STXBP5: variants seen among roughly 807,000 people sequenced by gnomAD.
STXBP5 encodes the protein syntaxin-binding protein 5.
In STXBP5, 50 loss-of-function variants were observed where a neutral mutation model predicts 152.4. The ratio of observed to expected loss-of-function variants is 0.33; its 90% CI spans 0.26 to 0.42. STXBP5 has a LOEUF of 0.42. Ranked by LOEUF, STXBP5 falls within the 10% of genes least tolerant of loss-of-function variation. The probability of loss-of-function intolerance (pLI) is 1.00; values close to 1 mark genes in which losing one functional copy is unlikely to be tolerated. For synonymous variants in STXBP5, 492 were observed against 494.7 expected (o/e 0.99, Z 0.07); for missense variants, 1,167 against 1,388.6 (o/e 0.84, Z 2.54).
At chr6:147,285,234 C>T (rs548182814) in intron 8 of STXBP5, among the ~76,000 whole-genome samples, 21 of 152,238 alleles carry the variant, frequency 1.4e-4, no homozygotes, top group Middle Eastern at 3.4e-3. Context: ...AGAACAAGCA[C>T]GTATTTTTGT....
At chr6:147,350,981 C>T (rs1053315704) in intron 21 of STXBP5, among the ~76,000 whole-genome samples, 1 of 152,140 alleles carries the variant, frequency 6.6e-6, no homozygotes, top group Non-Finnish European at 1.5e-5. Flanking sequence ...TGATTCCAAA[C>T]CCTGTCCTAA....
chr6:147,289,350 T>G (rs1781159717), intron 8 of STXBP5, among the ~76,000 whole-genome samples: 1 of 152,212 alleles, frequency 6.6e-6, no homozygotes, highest in African/African-American at 2.4e-5. Context: ...TTAAGATCGC[T>G]TTGTCCAAAT....
At chr6:147,364,573 T>C (rs1785208110) in intron 25 of STXBP5, among the ~76,000 whole-genome samples, 1 of 152,222 alleles carries the variant, frequency 6.6e-6, no homozygotes, top group African/African-American at 2.4e-5. Flanking sequence ...ACAAGGATAT[T>C]TACACAGAAG....
intron 23 of STXBP5, among the ~76,000 whole-genome samples, chr6:147,360,999 A>AT (rs1345404486): frequency 6.6e-6 from 1 of 152,202 alleles, no homozygotes; most frequent in Non-Finnish European, 1.5e-5. Flanking sequence ...ATTTTGCTCT[A>AT]TAAGTGCTTG....
chr6:147,361,338 A>C (rs1005828366), intron 23 of STXBP5, among the ~76,000 whole-genome samples: 3 of 152,228 alleles, frequency 2.0e-5, no homozygotes, highest in Non-Finnish European at 4.4e-5. Flanking sequence ...AGTATTTAGT[A>C]TACTTTCCAA....
intron 25 of STXBP5, among the ~76,000 whole-genome samples, chr6:147,366,786 T>TC (rs1785310087): frequency 6.6e-6 from 1 of 152,192 alleles, no homozygotes; most frequent in African/African-American, 2.4e-5. Flanking sequence ...CCTTGGATGG[T>TC]CCGTTATCAG....
chr6:147,230,510 A>G (rs1398799151), intron 2 of STXBP5, among the ~76,000 whole-genome samples: 11 of 151,960 alleles, frequency 7.2e-5, no homozygotes, highest in African/African-American at 2.2e-4. Context: ...CATTTGGTCT[A>G]GTTTTATAGA....
At chr6:147,326,969 A>G (rs1034418183) in intron 17 of STXBP5, among the ~76,000 whole-genome samples, 156 bp from the exon 18 acceptor site, 4 of 152,248 alleles carry the variant, frequency 2.6e-5, no homozygotes, top group Non-Finnish European at 5.9e-5. Context: ...GTGAGTAGGC[A>G]TATGTAACCT....
Position 147,315,817 on chromosome 6 carries a change from GCAGT to G in STXBP5, c.1623+87_1623+90del, listed in dbSNP as rs1782614009. 3.7e-6 allele frequency: 5 copies of G among 1,341,440 alleles called. No individual in the cohort carries two copies. The South Asian group carries it at 3.9e-5, about 10-fold the overall frequency. The allele number at this position is 1,341,440 out of a possible 1,614,324, so 83.1% of individuals were successfully genotyped here. ...TTGTGGATGATTTGGAAGACTTTTT[GCAGT>G]CAGTTTTGTGCAGAACTTTTGAAAA... On this transcript the variant is annotated intron_variant, in intron 15 of 27. Transcript: ENST00000321680.
At chr6:147,371,141 A>T (rs1785521608) in intron 25 of STXBP5, among the ~76,000 whole-genome samples, 1 of 152,102 alleles carries the variant, frequency 6.6e-6, no homozygotes, top group African/African-American at 2.4e-5. Context: ...CTATGAATAG[A>T]TGTAGCAAGA....
chr6:147,256,900 A>G (rs1175571879), intron 4 of STXBP5, among the ~76,000 whole-genome samples: 3 of 152,166 alleles, frequency 2.0e-5, no homozygotes, highest in Non-Finnish European at 2.9e-5. Context: ...GTTAATTTCA[A>G]CATTACTTAG....
chr6:147,376,626 G>A (rs1293723934), intron 26 of STXBP5, among the ~76,000 whole-genome samples: 1 of 151,994 alleles, frequency 6.6e-6, no homozygotes, highest in Non-Finnish European at 1.5e-5. Context: ...AGACCAGCCT[G>A]GGCAATATAA....
At position 147,385,078 on chromosome 6, in the gene STXBP5, A is replaced by G. The variant is rs1786275802; in HGVS notation, c.*323A>G. 3.5e-6 allele frequency: 1 copy of G among 284,424 alleles called. No homozygotes were observed. The highest frequency in any genetic ancestry group is 2.2e-5 in the African/African-American group (1 of 44,836). 17.6% of individuals were successfully genotyped at this position (284,424 alleles called of 1,614,324 possible). A position where few individuals can be genotyped will look rare whatever the true frequency, so the allele number is the denominator to read the frequency against. On this transcript the variant is annotated 3_prime_UTR_variant, in exon 28 of 28. Transcript: ENST00000321680. ...TAATCCTGGATCATTCCTGTATTAAACTTTCATATGCCAAAAGGGTTTGTG... is the reference window on the plus strand; with the variant it reads ...TAATCCTGGATCATTCCTGTATTAAGCTTTCATATGCCAAAAGGGTTTGTG...
At chr6:147,351,630 ATT>A (rs1390412810) in intron 21 of STXBP5, among the ~76,000 whole-genome samples, 1 of 152,162 alleles carries the variant, frequency 6.6e-6, no homozygotes, top group Non-Finnish European at 1.5e-5. Context: ...TCAGTTTTGT[ATT>A]GCATTTTCTT....
At chr6:147,355,242 A>G (rs970771638) in intron 22 of STXBP5, among the ~76,000 whole-genome samples, 1 of 152,104 alleles carries the variant, frequency 6.6e-6, no homozygotes, top group Non-Finnish European at 1.5e-5. Flanking sequence ...TTAGTTTCTT[A>G]CCCTGATTTT....
intron 2 of STXBP5, among the ~76,000 whole-genome samples, chr6:147,216,130 G>T (rs890026924): frequency 6.6e-6 from 1 of 152,148 alleles, no homozygotes; most frequent in Non-Finnish European, 1.5e-5. Context: ...GGTTGCTCAC[G>T]CCTGTAATCC....
chr6:147,270,300 G>A (rs1019978823), intron 7 of STXBP5, among the ~76,000 whole-genome samples: 3 of 150,636 alleles, frequency 2.0e-5, no homozygotes, highest in Admixed American at 6.6e-5. Context: ...TTGGGAGGCC[G>A]AGGCAGGAGA....
intron 2 of STXBP5, among the ~76,000 whole-genome samples, chr6:147,215,158 T>C (rs938216638): frequency 3.9e-5 from 6 of 152,260 alleles, no homozygotes; most frequent in African/African-American, 1.4e-4. Context: ...AGTAAAACTT[T>C]ATTTATAAAA....
chr6:147,306,751 C>T (rs1782115714), intron 9 of STXBP5, among the ~76,000 whole-genome samples: 2 of 152,258 alleles, frequency 1.3e-5, no homozygotes, highest in Middle Eastern at 3.4e-3. Flanking sequence ...TCCACAAACC[C>T]AGTTCTTTGA....
Sources: allele counts gnomAD v4.1 joint callset (sites outside exome capture counted in the v4.1 genomes callset), GRCh38; gene constraint gnomAD v4.1.1; transcripts MANE v1.5; gene names NCBI Gene and HGNC (gene_info 2026-07-23, HGNC 2026-07-21).